The following SLC9A9 variants were observed in gnomAD, a reference collection of about 807,000 sequenced individuals.
The protein encoded by SLC9A9 is solute carrier family 9 member A9.
A neutral mutation model predicts 77.8 loss-of-function variants in SLC9A9; 62 were observed. The observed-to-expected ratio is 0.80, with a 90% CI of 0.65 to 0.98. SLC9A9 has a LOEUF of 0.98. SLC9A9 is among the 50% of genes least tolerant of loss of function. The probability of loss-of-function intolerance (pLI) is 0.00; values close to 1 mark genes in which losing one functional copy is unlikely to be tolerated. For missense variants in SLC9A9, 775 were observed against 774.9 expected, an observed-to-expected ratio of 1.00 and a Z score of 0.00; for synonymous variants, 320 against 283.5, an observed-to-expected ratio of 1.13 and a Z score of -1.29.
intron 1 of SLC9A9, among the ~76,000 whole-genome samples, chr3:143,841,754 C>CTTTTCTGTTTTTTTTCTT (rs1553728416): frequency 6.7e-6 from 1 of 149,316 alleles, no homozygotes; most frequent in Non-Finnish European, 1.5e-5. Flanking sequence ...TATAGAGGCT[C>CTTTTCTGTTTTTTTTCTT]TTTTCTTTAT....
intron 9 of SLC9A9, chr3:143,503,728 G>C: frequency 2.8e-6 from 1 of 361,852 alleles, no homozygotes; most frequent in East Asian, 7.9e-5. Context: ...CTTCTAGGTG[G>C]CATTGATGGC....
chr3:143,485,374 T>C (rs1324202113), intron 11 of SLC9A9, among the ~76,000 whole-genome samples: 2 of 152,152 alleles, frequency 1.3e-5, no homozygotes, highest in Non-Finnish European at 2.9e-5. Context: ...CGATTTTCTT[T>C]TTCTCCACCT....
chr3:143,790,194 G>T (rs1260850267), intron 4 of SLC9A9, among the ~76,000 whole-genome samples: 1 of 152,150 alleles, frequency 6.6e-6, no homozygotes, highest in African/African-American at 2.4e-5. Context: ...TGCCATGATT[G>T]TAAGTTTCCT....
intron 12 of SLC9A9, among the ~76,000 whole-genome samples, chr3:143,400,720 CAAAAAAAAA>C (rs36147058): frequency 7.3e-6 from 1 of 137,466 alleles, no homozygotes. Context: ...TGAATTTATG[CAAAAAAAAA>C]AAAAAAAAAG....
At chr3:143,306,854 T>C (rs9850863) in intron 14 of SLC9A9, among the ~76,000 whole-genome samples, 28,040 of 152,240 alleles carry the variant, frequency 0.18, 2,912 homozygotes, top group Middle Eastern at 0.32. Context: ...TTCTCAGCCC[T>C]GTCTTTCCCT....
intron 5 of SLC9A9, among the ~76,000 whole-genome samples, chr3:143,675,603 T>C (rs934704910): frequency 6.6e-6 from 1 of 152,198 alleles, no homozygotes; most frequent in Non-Finnish European, 1.5e-5. Context: ...TGAGAAGTCA[T>C]TGATTTTCAT....
In SLC9A9 at chr3:143,753,142, C is replaced by T. The variant is rs1289859584; in HGVS notation, c.533+41859G>A. On this transcript the variant is annotated intron_variant, in intron 4 of 15. Coordinates refer to ENST00000316549, the MANE Select transcript of SLC9A9 (RefSeq NM_173653.4). The stretch of plus-strand genomic sequence containing the variant: ...CCACTCCCTTGGAGCAGAATGGCTC[C>T]AAGAAGTTTTGCTCTGCTTTTAGAA... 2.0e-5 allele frequency among the ~76,000 whole-genome samples: 3 copies of T among 152,278 alleles called. No homozygotes were observed. In the South Asian group the frequency reaches 6.2e-4, roughly 32 times the overall value.
intron 14 of SLC9A9, among the ~76,000 whole-genome samples, chr3:143,359,367 G>C (rs1032212582): frequency 6.6e-6 from 1 of 152,124 alleles, no homozygotes; most frequent in Non-Finnish European, 1.5e-5. Context: ...TTCTGTGTCG[G>C]GTGGTGGTTA....
At chr3:143,414,250 T>C (rs1275326737) in intron 12 of SLC9A9, among the ~76,000 whole-genome samples, 1 of 152,256 alleles carries the variant, frequency 6.6e-6, no homozygotes, top group South Asian at 2.1e-4. Context: ...CTTATGTGTG[T>C]ATGTCTATGT....
chr3:143,745,230 T>C (rs950619788), intron 4 of SLC9A9, among the ~76,000 whole-genome samples: 5 of 152,210 alleles, frequency 3.3e-5, no homozygotes, highest in African/African-American at 1.2e-4. Context: ...TGAAAAATAC[T>C]GATCACTGAG....
chr3:143,336,481 A>G (rs2031928725), intron 14 of SLC9A9, among the ~76,000 whole-genome samples: 1 of 152,214 alleles, frequency 6.6e-6, no homozygotes, highest in Non-Finnish European at 1.5e-5. Context: ...AAGAAATGGA[A>G]GAAGCCCATA....
At chr3:143,625,070 C>T (rs1218007417) in intron 6 of SLC9A9, among the ~76,000 whole-genome samples, 1 of 152,110 alleles carries the variant, frequency 6.6e-6, no homozygotes, top group Non-Finnish European at 1.5e-5. Context: ...ATGTGAAGGA[C>T]CTCTTCAAGG....
At chr3:143,343,033 T>C (rs2032153694) in intron 14 of SLC9A9, among the ~76,000 whole-genome samples, 1 of 152,220 alleles carries the variant, frequency 6.6e-6, no homozygotes, top group Non-Finnish European at 1.5e-5. Flanking sequence ...CACCACACTT[T>C]TACTGTTTCT....
chr3:143,749,673 GATTTC>G (rs2006649500), intron 4 of SLC9A9, among the ~76,000 whole-genome samples: 1 of 152,204 alleles, frequency 6.6e-6, no homozygotes, highest in Non-Finnish European at 1.5e-5. Flanking sequence ...ATCTTTAGTT[GATTTC>G]CAGGACGAAG....
chr3:143,509,890 G>A (rs951758477), intron 9 of SLC9A9, among the ~76,000 whole-genome samples: 5 of 152,172 alleles, frequency 3.3e-5, no homozygotes, highest in Non-Finnish European at 5.9e-5. Context: ...AAAACATACT[G>A]TCTAATGTCC....
intron 4 of SLC9A9, among the ~76,000 whole-genome samples, chr3:143,762,819 C>T (rs1224184062): frequency 6.6e-6 from 1 of 152,064 alleles, no homozygotes; most frequent in Non-Finnish European, 1.5e-5. Context: ...GATGTAAATC[C>T]CTTTACATCC....
At chr3:143,470,531 T>G (rs1250626864) in intron 11 of SLC9A9, among the ~76,000 whole-genome samples, 1 of 152,006 alleles carries the variant, frequency 6.6e-6, no homozygotes, top group Non-Finnish European at 1.5e-5. Context: ...AATTTCTCCT[T>G]TCCTCAAGCT....
chr3:143,828,930 ATCT>A (rs749831123), intron 2 of SLC9A9, among the ~76,000 whole-genome samples: 1 of 152,266 alleles, frequency 6.6e-6, no homozygotes, highest in East Asian at 1.9e-4. Context: ...CACCTTGGTG[ATCT>A]TCTAAAAATT....
At chr3:143,547,511 T>A (rs1471350336) in intron 9 of SLC9A9, among the ~76,000 whole-genome samples, 1 of 152,260 alleles carries the variant, frequency 6.6e-6, no homozygotes. Context: ...CGTACATGCC[T>A]GTACTTAAAG....
Sources: gnomAD v4.1 joint callset for allele counts (sites outside exome capture counted in the v4.1 genomes callset) on GRCh38, gnomAD v4.1.1 for gene constraint, MANE v1.5 for transcripts, NCBI Gene and HGNC (gene_info 2026-07-23, HGNC 2026-07-21) for gene names.